RUNDC3A: variants seen among roughly 807,000 people sequenced by gnomAD.
RUNDC3A encodes RUN domain containing 3A.
In RUNDC3A, 28 loss-of-function variants were observed where a neutral mutation model predicts 53.9. The ratio of observed to expected loss-of-function variants is 0.52; its 90% CI spans 0.38 to 0.71. The LOEUF (loss-of-function observed/expected upper bound fraction) is 0.71. RUNDC3A is among the 30% of genes least tolerant of loss of function. The probability of loss-of-function intolerance (pLI) is 0.00; values close to 1 mark genes in which losing one functional copy is unlikely to be tolerated. For missense variants in RUNDC3A, 491 were observed against 597.3 expected (o/e 0.82, Z 1.85); for synonymous variants, 232 against 249.4 (o/e 0.93, Z 0.66).
chr17:44,309,252 C>T (rs2047703598), intron 1 of RUNDC3A, among the ~76,000 whole-genome samples: 1 of 152,052 alleles, frequency 6.6e-6, no homozygotes, highest in South Asian at 2.1e-4. Flanking sequence ...ATGGCTGGCT[C>T]CCTTGCTGGG....
At chr17:44,313,290 G>T in intron 3 of RUNDC3A, 38 bp downstream of exon 3, 1 of 1,610,894 alleles carries the variant, frequency 6.2e-7, no homozygotes, top group Non-Finnish European at 8.5e-7. Flanking sequence ...CTCTGCTCTG[G>T]ACACAGGGGG....
intron 10 of RUNDC3A, chr17:44,317,650 T>C: frequency 2.8e-6 from 2 of 701,802 alleles, no homozygotes; most frequent in South Asian, 1.5e-5. Context: ...CCACACTGTA[T>C]TGGATGACCC....
chr17:44,317,966 G>A (rs1316469800), intron 10 of RUNDC3A, 130 bp from the exon 11 acceptor site: 2 of 919,688 alleles, frequency 2.2e-6, no homozygotes, highest in African/African-American at 3.3e-5. Context: ...AACTGAAAAT[G>A]GCAAATGCTG....
At chr17:44,314,641 G>T in intron 4 of RUNDC3A, 94 bp from the exon 5 acceptor site, 1 of 1,526,550 alleles carries the variant, frequency 6.6e-7, no homozygotes, top group South Asian at 1.2e-5. Flanking sequence ...CTTCCTTCAG[G>T]ATGGGGTGGC....
chr17:44,312,534 C>G (rs2047767435), intron 1 of RUNDC3A, 46 bp from the exon 2 acceptor site: 1 of 1,110,878 alleles, frequency 9.0e-7, no homozygotes, highest in Admixed American at 2.1e-5. Flanking sequence ...TCACCTGTTT[C>G]CTCACCTGAC....
intron 4 of RUNDC3A, 43 bp downstream of exon 4, chr17:44,313,546 A>G (rs754369329): frequency 6.3e-7 from 1 of 1,586,306 alleles, no homozygotes; most frequent in Non-Finnish European, 8.6e-7. Context: ...CTCAGAGTGC[A>G]CCTGCATTGC....
At chr17:44,312,777 G>T in intron 2 of RUNDC3A, 82 bp downstream of exon 2, 1 of 274,128 alleles carries the variant, frequency 3.6e-6, no homozygotes, top group Non-Finnish European at 6.1e-6. Flanking sequence ...CCCTCCCCCA[G>T]CGGTCCCTCC....
chr17:44,316,077 C>G (rs1053226837), intron 8 of RUNDC3A, among the ~76,000 whole-genome samples: 2 of 152,062 alleles, frequency 1.3e-5, no homozygotes, highest in Admixed American at 6.6e-5. Context: ...GCGGCAAGAT[C>G]CCCAAGACGA....
chr17:44,313,883 TG>T, intron 4 of RUNDC3A: 1 of 826,238 alleles, frequency 1.2e-6, no homozygotes, highest in Non-Finnish European at 1.5e-6. Flanking sequence ...TTGGTCAGGC[TG>T]GTCTCAAACT....
chr17:44,308,769 G>T lies in RUNDC3A; in HGVS notation c.-64G>T. 1 of 1,131,064 alleles carries T rather than the reference G, an allele frequency of 8.8e-7. No individual in the cohort carries two copies. The highest frequency in any genetic ancestry group is 1.2e-6 in the Non-Finnish European group (1 of 800,858). 70.1% of individuals were successfully genotyped at this position (1,131,064 alleles called of 1,614,324 possible). A position where few individuals can be genotyped will look rare whatever the true frequency, so the allele number is the denominator to read the frequency against. On this transcript the variant is annotated 5_prime_UTR_variant, in exon 1 of 11. Coordinates refer to ENST00000426726, the MANE Select transcript of RUNDC3A (RefSeq NM_001144825.2). ...GAGGGCCCAGCCGTGATCCAGCGAC[G>T]GGTTTGGGGCTCCGGGAGGGGTGGG...
intron 4 of RUNDC3A, chr17:44,314,433 C>A: frequency 7.7e-7 from 1 of 1,294,196 alleles, no homozygotes. Context: ...CTACTGTATA[C>A]CAAGCACTAA....
rs2047862573 is a variant in RUNDC3A at position 44,316,419 on chromosome 17, G to A, written c.988G>A (p.Ala330Thr). Residue 330 changes from alanine to threonine, a missense_variant, in exon 9 of 11, where the codon GCC becomes ACC. Physicochemically the swap from Ala to Thr is moderately conservative, Grantham distance 58 (BLOSUM62 0). Around this residue, in one of 2 missense-constraint regions of RUNDC3A, gnomAD observed 218 missense variants for 208.2 expected, o/e 1.05. Transcript: ENST00000426726. ...GLIPSDHAPLAQGSKELTTPL... is the reference protein window; with the variant it reads ...GLIPSDHAPLTQGSKELTTPL... ...GATCCCCAGTGACCACGCCCCTCTG[G>A]CCCAGGGTTCCAAGGAGCTCACTAC... The A allele has an allele frequency of 1.9e-6, 3 of 1,613,684 alleles. No individual in the cohort carries two copies. Among genetic ancestry groups the A allele is most frequent in the African/African-American group, 2.7e-5 (2 of 75,002 alleles).
chr17:44,314,680 G>T lies in RUNDC3A; in HGVS notation c.459-55G>T, dbSNP rs568120443. The T allele has an allele frequency of 9.0e-5, 117 of 1,299,816 alleles. 9 individuals carry two copies. The highest frequency in any genetic ancestry group is 2.7e-4 in the African/African-American group (19 of 70,224). 80.5% of individuals were successfully genotyped at this position (1,299,816 alleles called of 1,614,324 possible). On this transcript the variant is annotated intron_variant, in intron 4 of 10. Transcript: ENST00000426726. ...AAGCCAACAATAGCAGCTCTGGGGG[G>T]GGGGGGGGCGCTCCAGGGGCCTGCT...
At chr17:44,308,993 G>A (rs1393987026) in intron 1 of RUNDC3A, 54 bp downstream of exon 1, 11 of 1,278,654 alleles carry the variant, frequency 8.6e-6, no homozygotes, top group Non-Finnish European at 1.2e-5. Flanking sequence ...GGGTTGGGGT[G>A]GACTGCGGAA....
chr17:44,316,256 AC>A, intron 8 of RUNDC3A, 128 bp from the exon 9 acceptor site: 1 of 803,582 alleles, frequency 1.2e-6, no homozygotes. Flanking sequence ...TGGCCCACTG[AC>A]CCCAACACCG....
In RUNDC3A at chr17:44,318,437, G is replaced by A. The variant is rs1328988945; in HGVS notation, c.*199G>A. On this transcript the variant is annotated 3_prime_UTR_variant, in exon 11 of 11. Coordinates refer to ENST00000426726, the MANE Select transcript of RUNDC3A (RefSeq NM_001144825.2). ...CGGGCTGCGGAAGAAAGCACGCTGGGCCAGGAGGCAGGGGTGCCCAAGCCA... is the reference window on the plus strand; with the variant it reads ...CGGGCTGCGGAAGAAAGCACGCTGGACCAGGAGGCAGGGGTGCCCAAGCCA... 2 of 637,272 alleles carry A rather than the reference G, an allele frequency of 3.1e-6. No individual in the cohort carries two copies. The highest frequency in any genetic ancestry group is 2.6e-6 in the Non-Finnish European group (1 of 379,616). 39.5% of individuals were successfully genotyped at this position (637,272 alleles called of 1,614,324 possible). A position where few individuals can be genotyped will look rare whatever the true frequency, so the allele number is the denominator to read the frequency against.
rs1423123326 is a variant in RUNDC3A, at chr17:44,318,158, A to C, written c.1261A>C (p.Lys421Gln). 3.2e-6 allele frequency: 5 copies of C among 1,551,516 alleles called. No homozygotes were observed. Among genetic ancestry groups the C allele is most frequent in the Non-Finnish European group, 8.7e-7 (1 of 1,146,982 alleles). The change falls in exon 11 of 11, where the codon AAG becomes CAG. Residue 421 changes from lysine (K) to glutamine (Q), a missense_variant. This residue lies in a region of RUNDC3A where 218 missense variants were observed against 208.2 expected (regional missense o/e 1.05). Coordinates refer to ENST00000426726, the MANE Select transcript of RUNDC3A (RefSeq NM_001144825.2). ...CTCCCTGGCCTCCATTCCCAGCTGC[A>C]AGTCCCTGGCGAGCTTCAAATCCAA... ...CGSLASIPSCKSLASFKSNEC... is the reference protein window; with the variant it reads ...CGSLASIPSCQSLASFKSNEC...
chr17:44,314,683 G>GC (rs2047819506), intron 4 of RUNDC3A, 52 bp from the exon 5 acceptor site: 3 of 1,254,492 alleles, frequency 2.4e-6, no homozygotes, highest in South Asian at 2.9e-5. Context: ...CTGGGGGGGG[G>GC]GGGGGCGCTC....
At chr17:44,318,060 A>C (rs918199801) in intron 10 of RUNDC3A, 36 bp from the exon 11 acceptor site, 118 of 1,545,704 alleles carry the variant, frequency 7.6e-5, no homozygotes, top group Admixed American at 4.1e-4. Flanking sequence ...ACACATGTAG[A>C]CTGGTCGCTT....
Sources: gnomAD v4.1 joint callset for allele counts (sites outside exome capture counted in the v4.1 genomes callset) on GRCh38, gnomAD v4.1.1 for gene constraint, gnomAD v4.1.1 regional missense constraint, MANE v1.5 for transcripts, NCBI Gene and HGNC (gene_info 2026-07-23, HGNC 2026-07-21) for gene names.